Variants in PADI2 observed in about 807,000 individuals in gnomAD.
PADI2 encodes the protein protein-arginine deiminase type-2.
In PADI2, 70 loss-of-function variants were observed where a neutral mutation model predicts 81.1. That is an observed-to-expected ratio of 0.86 (90% confidence interval 0.71 to 1.05). PADI2 has a LOEUF of 1.05. Among genes scored for constraint, PADI2 ranks in the 50% least tolerant of loss-of-function variants. The probability of loss-of-function intolerance (pLI) is 0.00; values close to 1 mark genes in which losing one functional copy is unlikely to be tolerated. For synonymous variants in PADI2, 338 were observed against 358.0 expected, an observed-to-expected ratio of 0.94 and a Z score of 0.63; for missense variants, 853 against 889.9, an observed-to-expected ratio of 0.96 and a Z score of 0.53.
Position 17,070,159 on chromosome 1 carries a change from C to G in PADI2, c.1693G>C (p.Asp565His). Residue 565 changes from aspartate to histidine, a missense_variant, in exon 15 of 16, where the codon GAC becomes CAC. Physicochemically the swap from Asp to His is moderately conservative, Grantham distance 81. Coordinates refer to ENST00000375486, the MANE Select transcript of PADI2 (RefSeq NM_007365.3). ...LKKELGLTEQ[D>H]IIDLPALFKM... ...AACAGAGCGGGCAGGTCAATGATGTCCTGCTCTGTCAGTCCCAGCTCCTTC... is the reference window on the plus strand; with the variant it reads ...AACAGAGCGGGCAGGTCAATGATGTGCTGCTCTGTCAGTCCCAGCTCCTTC... 6.2e-7 allele frequency: 1 copy of G among 1,614,128 alleles called. No homozygotes were observed. Among genetic ancestry groups the G allele is most frequent in the African/African-American group, 1.3e-5 (1 of 75,008 alleles).
chr1:17,111,333 G>T (rs995494387), intron 1 of PADI2, among the ~76,000 whole-genome samples: 2 of 152,006 alleles, frequency 1.3e-5, no homozygotes, highest in Non-Finnish European at 2.9e-5. Flanking sequence ...GACTTCAAGT[G>T]ATCTGCCCGC....
At chr1:17,105,097 C>G in intron 1 of PADI2, 36 bp from the exon 2 acceptor site, 2 of 1,448,796 alleles carry the variant, frequency 1.4e-6, no homozygotes, top group South Asian at 2.8e-5. Context: ...AGGGAGAGCC[C>G]TGGGGTAGGT....
At chr1:17,085,635 C>A (rs1392527792) in intron 7 of PADI2, among the ~76,000 whole-genome samples, 1 of 152,196 alleles carries the variant, frequency 6.6e-6, no homozygotes, top group Non-Finnish European at 1.5e-5. Flanking sequence ...CTACCCTTAA[C>A]TAAGGAAATT....
chr1:17,090,186 A>T (rs1930634043), intron 6 of PADI2, among the ~76,000 whole-genome samples: 1 of 152,244 alleles, frequency 6.6e-6, no homozygotes, highest in South Asian at 2.1e-4. Context: ...AACAAAAGCC[A>T]TAATTGCCAT....
intron 1 of PADI2, among the ~76,000 whole-genome samples, chr1:17,111,166 C>T (rs1323879043): frequency 4.7e-5 from 7 of 147,426 alleles, no homozygotes; most frequent in African/African-American, 1.8e-4. Flanking sequence ...TGGCTCACTG[C>T]AATCTCTACC....
At chr1:17,078,841 G>A (rs186694882) in intron 11 of PADI2, among the ~76,000 whole-genome samples, 1 of 152,214 alleles carries the variant, frequency 6.6e-6, no homozygotes, top group Non-Finnish European at 1.5e-5. Context: ...GACTACAGAT[G>A]CATGCCACCA....
intron 5 of PADI2, among the ~76,000 whole-genome samples, chr1:17,092,964 GA>G (rs1022155316): frequency 7.2e-5 from 10 of 138,222 alleles, no homozygotes; most frequent in Admixed American, 1.4e-4. Context: ...AAAAAAAAAA[GA>G]AAAAAAAAGA....
intron 13 of PADI2, among the ~76,000 whole-genome samples, chr1:17,072,599 C>T (rs1002777321): frequency 9.9e-5 from 15 of 152,204 alleles, no homozygotes; most frequent in Non-Finnish European, 4.4e-5. Flanking sequence ...GCTGACTGCA[C>T]ATCCGCGCAT....
At chr1:17,117,305 T>C (rs907495017) in intron 1 of PADI2, among the ~76,000 whole-genome samples, 2 of 152,258 alleles carry the variant, frequency 1.3e-5, no homozygotes, top group Admixed American at 6.5e-5. Flanking sequence ...TTATATTGAT[T>C]GCATGTTGAA....
intron 1 of PADI2, among the ~76,000 whole-genome samples, chr1:17,105,545 C>T (rs550107790): frequency 1.1e-4 from 17 of 152,206 alleles, no homozygotes; most frequent in Middle Eastern, 3.4e-3. Context: ...CAGGCATGCA[C>T]CACCACAGCT....
intron 5 of PADI2, among the ~76,000 whole-genome samples, chr1:17,093,246 C>T (rs897390649): frequency 6.6e-6 from 1 of 152,000 alleles, no homozygotes; most frequent in Non-Finnish European, 1.5e-5. Flanking sequence ...CAGGTGCATG[C>T]CACCACGCTC....
At position 17,070,818 on chromosome 1, in the gene PADI2, C is replaced by T. The variant is rs553024069; in HGVS notation, c.1635+588G>A. 1.4e-3 allele frequency among the ~76,000 whole-genome samples: 209 copies of T among 152,192 alleles called. 2 individuals are homozygous for T. The highest frequency in any genetic ancestry group is 2.5e-3 in the Non-Finnish European group (167 of 68,002). ...CTGGGATTATAGGCGCCTGCCACCA[C>T]GCCAGGCTAATTTTTGTATTTTTGG... On this transcript the variant is annotated intron_variant, in intron 14 of 15. Coordinates refer to ENST00000375486, the MANE Select transcript of PADI2 (RefSeq NM_007365.3).
At position 17,104,888 on chromosome 1, in the gene PADI2, C is replaced by G; in HGVS notation, c.266G>C (p.Ser89Thr). 1 of 1,576,084 alleles carries G rather than the reference C, an allele frequency of 6.3e-7. No individual in the cohort carries two copies. Among genetic ancestry groups the G allele is most frequent in the Non-Finnish European group, 8.6e-7 (1 of 1,160,182 alleles). The change falls in exon 2 of 16, where the codon AGC becomes ACC. Residue 89 changes from serine to threonine, a missense_variant. Physicochemically the swap from Ser to Thr is moderately conservative, Grantham distance 58. Transcript: ENST00000375486. ...TTCCCGCCGTGGTACCTTGTCACTG[C>G]TGGCCTCGGTGCTCGCCTGGCTCAT... The part of the protein sequence containing the change: ...VTMSQASTEA[S>T]SDKVTVNYYD...
intron 1 of PADI2, among the ~76,000 whole-genome samples, chr1:17,111,138 A>C (rs1931566671): frequency 8.2e-6 from 1 of 122,228 alleles, no homozygotes; most frequent in South Asian, 2.7e-4. Flanking sequence ...CCCAGGCTGG[A>C]GTGCAGTGGC....
rs141968716 is a variant in PADI2 at position 17,086,768 on chromosome 1, G to A, written c.656-69C>T. On this transcript the variant is annotated intron_variant, in intron 6 of 15. Transcript: ENST00000375486. The stretch of plus-strand genomic sequence containing the variant: ...AAGAGGTCGGTGGGGTGGGATCACC[G>A]ATGGGGACAAAAGGGCAAAGTAACT... The A allele has an allele frequency of 7.9e-4, 1,097 of 1,393,798 alleles. 6 individuals carry two copies. In the East Asian group the frequency reaches 0.013, roughly 17 times the overall value. 86.3% of individuals were successfully genotyped at this position (1,393,798 alleles called of 1,614,324 possible).
chr1:17,079,093 A>C (rs974234044), intron 11 of PADI2, 171 bp downstream of exon 11: 1 of 562,354 alleles, frequency 1.8e-6, no homozygotes, highest in Non-Finnish European at 3.2e-6. Context: ...CAAAGATATA[A>C]AGGCTAGCTT....
chr1:17,075,739 G>T lies in PADI2; in HGVS notation c.1395C>A (p.Asp465Glu). Residue 465 changes from aspartate to glutamate, a missense_variant, in exon 12 of 16, where the codon GAC becomes GAA. Transcript: ENST00000375486. Reference protein sequence around the residue: ...QVQAPVELYSDWLTVGHVDEF... With the variant: ...QVQAPVELYSEWLTVGHVDEF... ...CATCCACGTGGCCCACAGTCAGCCA[G>T]TCTGAGTAGAGCTCCACGGGCGCCT... is the stretch of plus-strand genomic sequence containing the variant. 6.2e-7 allele frequency: 1 copy of T among 1,614,118 alleles called. No individual in the cohort carries two copies. Among genetic ancestry groups the T allele is most frequent in the South Asian group, 1.1e-5 (1 of 91,078 alleles).
chr1:17,070,248 G>A, intron 14 of PADI2, 32 bp from the exon 15 acceptor site: 6 of 1,611,310 alleles, frequency 3.7e-6, no homozygotes, highest in Non-Finnish European at 5.1e-6. Context: ...GGGCATGCAG[G>A]TGAGGGGGAC....
rs2078237396 is a variant in PADI2 at position 17,068,329 on chromosome 1, T to C, written c.*715A>G. The C allele has an allele frequency of 6.5e-6, 1 of 152,720 alleles. No individual in the cohort carries two copies. The highest frequency in any genetic ancestry group is 1.5e-5 in the Non-Finnish European group (1 of 68,136). 9.5% of individuals were successfully genotyped at this position (152,720 alleles called of 1,614,324 possible). A position where few individuals can be genotyped will look rare whatever the true frequency, so the allele number is the denominator to read the frequency against. ...ATGCTGGTCTGGGGAGAAATCCCCA[T>C]GCATGCGGGGGAGCCTGCATCCCTG... On this transcript the variant is annotated 3_prime_UTR_variant, in exon 16 of 16. Coordinates refer to ENST00000375486, the MANE Select transcript of PADI2 (RefSeq NM_007365.3).
Sources: gnomAD v4.1 joint callset for allele counts (sites outside exome capture counted in the v4.1 genomes callset) on GRCh38, gnomAD v4.1.1 for gene constraint, MANE v1.5 for transcripts, NCBI Gene and HGNC (gene_info 2026-07-23, HGNC 2026-07-21) for gene names.